The following ADTRP variants were observed in gnomAD, a reference collection of about 807,000 sequenced individuals.
ADTRP encodes the protein androgen-dependent TFPI-regulating protein.
A neutral mutation model predicts 27.0 loss-of-function variants in ADTRP; 20 were observed. The ratio of observed to expected loss-of-function variants is 0.74; its 90% CI spans 0.52 to 1.08. ADTRP has a LOEUF of 1.08. Ranked by LOEUF, ADTRP falls within the 50% of genes least tolerant of loss-of-function variation. ADTRP has a pLI of 0.00. For missense variants in ADTRP, 251 were observed against 275.0 expected (o/e 0.91, Z 0.62); for synonymous variants, 101 against 105.2 (o/e 0.96, Z 0.25).
intron 5 of ADTRP, chr6:11,717,480 T>C (rs1581302693): frequency 7.9e-7 from 1 of 1,258,816 alleles, no homozygotes; most frequent in East Asian, 5.9e-5. Context: ...TATAATTATA[T>C]GCCTTATTAT....
At chr6:11,758,365 C>T (rs183389552) in intron 3 of ADTRP, among the ~76,000 whole-genome samples, 1 of 152,172 alleles carries the variant, frequency 6.6e-6, no homozygotes, top group East Asian at 1.9e-4. Context: ...CTCTTTAAAA[C>T]GAGAATCCCC....
chr6:11,766,382 A>G lies in ADTRP; in HGVS notation c.289-7T>C. The G allele has an allele frequency of 6.3e-7, 1 of 1,597,980 alleles. No individual in the cohort carries two copies. The highest frequency in any genetic ancestry group is 8.6e-7 in the Non-Finnish European group (1 of 1,167,030). ...AGAATGCCAAAAATACAAACTGGAA[A>G]ATAAAACACAAAAAATAGCATCATT... On this transcript the variant is annotated splice_polypyrimidine_tract_variant and splice_region_variant and intron_variant, in intron 2 of 5. Transcript: ENST00000414691.
At chr6:11,747,353 T>A (rs1762899001) in intron 3 of ADTRP, among the ~76,000 whole-genome samples, 1 of 152,202 alleles carries the variant, frequency 6.6e-6, no homozygotes, top group African/African-American at 2.4e-5. Flanking sequence ...GATTGTGCAC[T>A]TTTTGGTTTC....
Position 11,743,338 on chromosome 6 carries a change from G to A in ADTRP, c.391-7655C>T, listed in dbSNP as rs1233351558. Among the ~76,000 whole-genome samples, 4 of 152,066 alleles carry A rather than the reference G, an allele frequency of 2.6e-5. No individual in the cohort carries two copies. The South Asian group carries it at 6.2e-4, about 24-fold the overall frequency. On this transcript the variant is annotated intron_variant, in intron 3 of 5. Transcript: ENST00000414691. ...TTGTGCACTTGTCCACTGTAGGATC[G>A]AGTCTTTAATGTGGTCTGCAGAGGT...
At chr6:11,777,366 T>C (rs1297049050) in intron 1 of ADTRP, among the ~76,000 whole-genome samples, 1 of 152,142 alleles carries the variant, frequency 6.6e-6, no homozygotes, top group Non-Finnish European at 1.5e-5. Flanking sequence ...AATTGGATTT[T>C]ATTAGAAAGT....
intron 1 of ADTRP, among the ~76,000 whole-genome samples, chr6:11,774,714 G>A (rs1763897097): frequency 6.6e-6 from 1 of 152,152 alleles, no homozygotes; most frequent in African/African-American, 2.4e-5. Flanking sequence ...CAATGTTTCA[G>A]AAGGAAGCTT....
At chr6:11,717,824 G>A (rs1761881079) in intron 5 of ADTRP, among the ~76,000 whole-genome samples, 1 of 152,238 alleles carries the variant, frequency 6.6e-6, no homozygotes, top group Non-Finnish European at 1.5e-5. Context: ...TTTGAGTTTA[G>A]GGAGATGAAG....
intron 4 of ADTRP, among the ~76,000 whole-genome samples, chr6:11,732,250 GA>G (rs766345013): frequency 1.3e-5 from 2 of 152,214 alleles, no homozygotes; most frequent in Non-Finnish European, 2.9e-5. Context: ...TTTCGGCGGT[GA>G]AATGCTTCTC....
chr6:11,773,120 G>A lies in ADTRP; in HGVS notation c.154-4737C>T, dbSNP rs117141745. Among the ~76,000 whole-genome samples, 18 of 152,282 alleles carry A rather than the reference G, an allele frequency of 1.2e-4. No individual in the cohort carries two copies. The East Asian group carries it at 3.1e-3, about 26-fold the overall frequency. On this transcript the variant is annotated intron_variant, in intron 1 of 5. Transcript: ENST00000414691. ...CCAACATTCACGGAATGTCAGTTAG[G>A]TACAGAAATTGTCGGTGAGGTATCA...
At chr6:11,758,107 T>A (rs919751414) in intron 3 of ADTRP, among the ~76,000 whole-genome samples, 1 of 152,252 alleles carries the variant, frequency 6.6e-6, no homozygotes, top group African/African-American at 2.4e-5. Flanking sequence ...TGTTCTAATC[T>A]GTGCAGTGGG....
At chr6:11,720,534 C>T (rs972952035) in intron 5 of ADTRP, among the ~76,000 whole-genome samples, 10 of 151,326 alleles carry the variant, frequency 6.6e-5, no homozygotes, top group South Asian at 2.1e-4. Context: ...TGCAGTGGCG[C>T]GATCTCGGCT....
intron 5 of ADTRP, among the ~76,000 whole-genome samples, chr6:11,719,145 G>GT (rs1761927764): frequency 6.6e-6 from 1 of 152,168 alleles, no homozygotes; most frequent in African/African-American, 2.4e-5. Flanking sequence ...CAAGGATGCC[G>GT]TAGACAGAAT....
intron 1 of ADTRP, among the ~76,000 whole-genome samples, chr6:11,771,813 A>G (rs538205247): frequency 6.6e-6 from 1 of 152,294 alleles, no homozygotes; most frequent in African/African-American, 2.4e-5. Context: ...GATGAGGACT[A>G]CAGACACACA....
In ADTRP at chr6:11,745,666, C is replaced by T. The variant is rs1019129053; in HGVS notation, c.391-9983G>A. On this transcript the variant is annotated intron_variant, in intron 3 of 5. Coordinates refer to ENST00000414691, the MANE Select transcript of ADTRP (RefSeq NM_032744.4). ...TGTGACATTCCCAAGCTGTATCTAA[C>T]GATCTCAGAATGTGCCACTAAATTG... Among the ~76,000 whole-genome samples the T allele has an allele frequency of 2.1e-4, 32 of 152,266 alleles. 1 individual carries two copies. The highest frequency in any genetic ancestry group is 3.4e-3 in the Middle Eastern group (1 of 294).
At chr6:11,749,003 C>A (rs767588577) in intron 3 of ADTRP, among the ~76,000 whole-genome samples, 3 of 152,190 alleles carry the variant, frequency 2.0e-5, no homozygotes, top group Non-Finnish European at 4.4e-5. Context: ...ATTTTGCAAT[C>A]GATTTTGCCA....
chr6:11,777,574 T>G (rs1004589258), intron 1 of ADTRP, among the ~76,000 whole-genome samples: 4 of 152,304 alleles, frequency 2.6e-5, no homozygotes, highest in Middle Eastern at 3.4e-3. Context: ...TAAAATTCCA[T>G]GATTGAAACA....
chr6:11,720,679 G>T (rs945854409), intron 5 of ADTRP, among the ~76,000 whole-genome samples: 3 of 152,222 alleles, frequency 2.0e-5, no homozygotes, highest in African/African-American at 7.2e-5. Flanking sequence ...CACTGTGTTA[G>T]CCAGGATGGT....
Position 11,766,379 on chromosome 6 carries a change from GA to G in ADTRP, c.289-5del. ...TCCAGAATGCCAAAAATACAAACTG[GA>G]AAATAAAACACAAAAAATAGCATCA... On this transcript the variant is annotated splice_polypyrimidine_tract_variant and splice_region_variant and intron_variant, in intron 2 of 5. Coordinates refer to ENST00000414691, the MANE Select transcript of ADTRP (RefSeq NM_032744.4). 4.4e-6 allele frequency: 7 copies of G among 1,604,320 alleles called. No homozygotes were observed. The Middle Eastern group carries it at 9.9e-4, about 228-fold the overall frequency.
intron 4 of ADTRP, among the ~76,000 whole-genome samples, chr6:11,726,284 C>A (rs760841187): frequency 6.6e-6 from 1 of 152,070 alleles, no homozygotes; most frequent in Admixed American, 6.5e-5. Context: ...TTTGTTTGTT[C>A]GTACCAAAAC....
Sources: gnomAD v4.1 joint callset for allele counts (sites outside exome capture counted in the v4.1 genomes callset) on GRCh38, gnomAD v4.1.1 for gene constraint, MANE v1.5 for transcripts, NCBI Gene and HGNC (gene_info 2026-07-23, HGNC 2026-07-21) for gene names.